Variants in DAB1 observed in about 807,000 individuals in gnomAD.
DAB1 encodes DAB adaptor protein 1.
In DAB1, 15 loss-of-function variants were observed where a neutral mutation model predicts 64.6. The ratio of observed to expected loss-of-function variants is 0.23; its 90% confidence interval spans 0.16 to 0.36. DAB1 has a LOEUF of 0.36. DAB1 is among the 10% of genes least tolerant of loss of function. The probability of loss-of-function intolerance (pLI) is 1.00; values close to 1 mark genes in which losing one functional copy is unlikely to be tolerated. For missense variants in DAB1, 596 were observed against 706.7 expected (o/e 0.84, Z 1.78); for synonymous variants, 235 against 251.9 (o/e 0.93, Z 0.64).
At chr1:58,007,205 T>G (rs1450233630) in intron 5 of DAB1, among the ~76,000 whole-genome samples, 3 of 152,084 alleles carry the variant, frequency 2.0e-5, no homozygotes, top group African/African-American at 7.2e-5. Flanking sequence ...TGATTAAAGC[T>G]TACTTGAAAT....
At chr1:57,992,734 G>T (rs895126835) in intron 5 of DAB1, among the ~76,000 whole-genome samples, 1 of 151,974 alleles carries the variant, frequency 6.6e-6, no homozygotes, top group Non-Finnish European at 1.5e-5. Context: ...GGCTCTGCTT[G>T]AATCCTTGTG....
intron 6 of DAB1, among the ~76,000 whole-genome samples, chr1:57,667,807 A>G (rs1487769475): frequency 6.6e-6 from 1 of 152,148 alleles, no homozygotes; most frequent in Admixed American, 6.6e-5. Context: ...ATCCTCACTC[A>G]TAAGTGAGAA....
At chr1:57,596,586 G>A (rs946557703) in intron 7 of DAB1, among the ~76,000 whole-genome samples, 5 of 152,014 alleles carry the variant, frequency 3.3e-5, no homozygotes, top group Non-Finnish European at 4.4e-5. Context: ...AGTCCTGGGT[G>A]GACTGGGATG....
At chr1:57,777,455 G>A (rs1431639985) in intron 6 of DAB1, among the ~76,000 whole-genome samples, 1 of 151,556 alleles carries the variant, frequency 6.6e-6, no homozygotes, top group East Asian at 1.9e-4. Flanking sequence ...ATTGCCCCAT[G>A]GTCTCTGTCA....
chr1:57,282,173 C>G (rs992788262), intron 2 of DAB1, among the ~76,000 whole-genome samples: 4 of 123,908 alleles, frequency 3.2e-5, no homozygotes, highest in East Asian at 2.4e-4. Flanking sequence ...ACAGAGCAAG[C>G]CTTCTTCTCA....
intron 7 of DAB1, among the ~76,000 whole-genome samples, chr1:57,481,675 G>A (rs1431134167): frequency 2.0e-5 from 3 of 152,040 alleles, no homozygotes; most frequent in Non-Finnish European, 4.4e-5. Context: ...AAATTAGCCA[G>A]GCATGGTGGC....
chr1:57,805,125 A>T (rs2101877373), intron 6 of DAB1, among the ~76,000 whole-genome samples: 1 of 152,328 alleles, frequency 6.6e-6, no homozygotes, highest in South Asian at 2.1e-4. Flanking sequence ...TGGTTTGCAC[A>T]TCCCCACTGG....
At chr1:57,852,983 G>A (rs552615987) in intron 1 of DAB1, among the ~76,000 whole-genome samples, 1 of 152,078 alleles carries the variant, frequency 6.6e-6, no homozygotes, top group Non-Finnish European at 1.5e-5. Flanking sequence ...TATACTAAGT[G>A]TGATAATTAA....
intron 4 of DAB1, among the ~76,000 whole-genome samples, chr1:58,301,907 T>C (rs889543270): frequency 5.3e-5 from 8 of 152,174 alleles, no homozygotes; most frequent in African/African-American, 1.9e-4. Context: ...GCCTGTCACA[T>C]AGTAAGCAAT....
At chr1:57,712,600 G>C (rs996167986) in intron 6 of DAB1, among the ~76,000 whole-genome samples, 5 of 152,162 alleles carry the variant, frequency 3.3e-5, no homozygotes, top group Non-Finnish European at 7.3e-5. Context: ...CTTCTGATAT[G>C]CTTACTTGAG....
intron 1 of DAB1, among the ~76,000 whole-genome samples, chr1:57,382,462 G>T (rs748241397): frequency 4.6e-5 from 7 of 152,006 alleles, no homozygotes; most frequent in African/African-American, 1.7e-4. Flanking sequence ...TGAACTTAGT[G>T]GTTCAAAACA....
chr1:57,129,826 C>T (rs567147616), intron 4 of DAB1, among the ~76,000 whole-genome samples: 16 of 152,146 alleles, frequency 1.1e-4, no homozygotes, highest in Non-Finnish European at 2.2e-4. Context: ...TGGTATATAG[C>T]ATCTTGGGCT....
chr1:57,546,243 C>T (rs1459439429), intron 7 of DAB1, among the ~76,000 whole-genome samples: 1 of 152,162 alleles, frequency 6.6e-6, no homozygotes, highest in East Asian at 1.9e-4. Flanking sequence ...CAATTCAACA[C>T]AAGTCCTAAG....
chr1:57,251,261 G>T (rs1003783518), intron 2 of DAB1, among the ~76,000 whole-genome samples: 9 of 152,188 alleles, frequency 5.9e-5, no homozygotes, highest in Non-Finnish European at 1.0e-4. Context: ...AGGTCTTGCT[G>T]CAAGAAGAAT....
At chr1:57,891,051 A>G (rs772400497) in intron 5 of DAB1, among the ~76,000 whole-genome samples, 2 of 152,238 alleles carry the variant, frequency 1.3e-5, no homozygotes, top group Non-Finnish European at 2.9e-5. Flanking sequence ...GCACAGTAAA[A>G]GAAACCATCA....
chr1:57,585,961 A>AT (rs1242584897), intron 7 of DAB1, among the ~76,000 whole-genome samples: 1 of 152,112 alleles, frequency 6.6e-6, no homozygotes, highest in Non-Finnish European at 1.5e-5. Context: ...CTGGGCTCCT[A>AT]TTTTTTCAAC....
At chr1:58,137,759 G>A (rs1344563590) in intron 5 of DAB1, among the ~76,000 whole-genome samples, 3 of 152,214 alleles carry the variant, frequency 2.0e-5, no homozygotes, top group African/African-American at 7.2e-5. Context: ...CAATGTAATA[G>A]TGAATCTAGG....
chr1:57,164,152 T>C (rs142459481), intron 2 of DAB1, among the ~76,000 whole-genome samples: 2 of 152,252 alleles, frequency 1.3e-5, no homozygotes, highest in African/African-American at 4.8e-5. Context: ...GTCTGGTGGA[T>C]AGACACTCCA....
At chr1:57,024,607 G>A (rs1030530549) in intron 10 of DAB1, among the ~76,000 whole-genome samples, 4 of 152,110 alleles carry the variant, frequency 2.6e-5, no homozygotes, top group African/African-American at 9.7e-5. Context: ...TTGGGTTCAG[G>A]GCCAGAAACA....
Sources: gnomAD v4.1 joint callset for allele counts (sites outside exome capture counted in the v4.1 genomes callset) on GRCh38, gnomAD v4.1.1 for gene constraint, MANE v1.5 for transcripts, NCBI Gene and HGNC (gene_info 2026-07-23, HGNC 2026-07-21) for gene names.